TTC28: variants seen among roughly 807,000 people sequenced by gnomAD.
TTC28 encodes the protein tetratricopeptide repeat domain 28.
TTC28 carries 61 observed loss-of-function variants against 198.0 expected under a neutral mutation model. The observed-to-expected ratio is 0.31, with a 90% CI of 0.25 to 0.38. The LOEUF (loss-of-function observed/expected upper bound fraction) is 0.38. Ranked by LOEUF, TTC28 falls within the 10% of genes least tolerant of loss-of-function variation. The pLI is 1.00. For synonymous variants in TTC28, 1,171 were observed against 1,297.8 expected (o/e 0.90, Z 2.10); for missense variants, 2,678 against 3,164.0 (o/e 0.85, Z 3.69).
At chr22:28,525,689 G>C (rs2048992251) in intron 2 of TTC28, among the ~76,000 whole-genome samples, 1 of 152,162 alleles carries the variant, frequency 6.6e-6, no homozygotes, top group Non-Finnish European at 1.5e-5. Context: ...AATGGAGTCT[G>C]TGCAGGTGCC....
At chr22:28,197,789 A>T (rs1925526664) in intron 5 of TTC28, among the ~76,000 whole-genome samples, 1 of 152,036 alleles carries the variant, frequency 6.6e-6, no homozygotes, top group Non-Finnish European at 1.5e-5. Context: ...TTGAGGTAGG[A>T]GGATCTTTCG....
chr22:28,263,122 G>A (rs1021312876), intron 5 of TTC28, among the ~76,000 whole-genome samples: 1 of 152,192 alleles, frequency 6.6e-6, no homozygotes, highest in African/African-American at 2.4e-5. Flanking sequence ...TATGTGAGGT[G>A]TTGATTGAGA....
chr22:28,588,878 A>C lies in TTC28; in HGVS notation c.381+40674T>G, dbSNP rs146520220. On this transcript the variant is annotated intron_variant, in intron 2 of 22. Transcript: ENST00000397906. ...ACATTTCAATCTAAGCCTCAACAGG[A>C]AACACCCCTTCTGCTACATTATCTC... 6.2e-3 allele frequency among the ~76,000 whole-genome samples: 946 copies of C among 152,292 alleles called. 12 individuals carry two copies. The highest frequency in any genetic ancestry group is 0.029 in the Admixed American group (448 of 15,296).
intron 5 of TTC28, among the ~76,000 whole-genome samples, chr22:28,195,734 G>A (rs1925272568): frequency 8.3e-6 from 1 of 120,914 alleles, no homozygotes; most frequent in Admixed American, 8.9e-5. Flanking sequence ...TACAAGGGAT[G>A]TGAAGGACCT....
intron 2 of TTC28, among the ~76,000 whole-genome samples, chr22:28,603,441 G>A (rs1176084576): frequency 6.6e-6 from 1 of 151,794 alleles, no homozygotes; most frequent in Non-Finnish European, 1.5e-5. Flanking sequence ...AAGCCAGAGT[G>A]CAATGGCACA....
intron 1 of TTC28, among the ~76,000 whole-genome samples, chr22:28,663,338 G>T (rs1319130902): frequency 6.8e-6 from 1 of 147,692 alleles, no homozygotes; most frequent in Non-Finnish European, 1.5e-5. Context: ...AGCTCCCAGC[G>T]TGAGCGACAC....
At chr22:28,187,848 C>T (rs1220198857) in intron 5 of TTC28, among the ~76,000 whole-genome samples, 1 of 152,188 alleles carries the variant, frequency 6.6e-6, no homozygotes, top group Non-Finnish European at 1.5e-5. Flanking sequence ...TGCTAAGTAA[C>T]TGGCACATAC....
At chr22:28,186,566 T>C (rs1242482190) in intron 5 of TTC28, among the ~76,000 whole-genome samples, 1 of 152,132 alleles carries the variant, frequency 6.6e-6, no homozygotes, top group Non-Finnish European at 1.5e-5. Context: ...AATACATCTG[T>C]GATGGGAGCT....
At chr22:28,647,712 G>C (rs889332985) in intron 1 of TTC28, among the ~76,000 whole-genome samples, 1 of 151,408 alleles carries the variant, frequency 6.6e-6, no homozygotes, top group Non-Finnish European at 1.5e-5. Context: ...GGTGGCAGGC[G>C]CCTGTAGTCC....
rs932041378 is a variant in TTC28 at position 27,993,880 on chromosome 22, C to T, written c.5245-362G>A. Among the ~76,000 whole-genome samples, 3 of 152,352 alleles carry T rather than the reference C, an allele frequency of 2.0e-5. No individual in the cohort carries two copies. The East Asian group carries it at 5.8e-4, about 29-fold the overall frequency. ...TGGCTCCTGCCCACTAGGATAAACC[C>T]TCAGGCCCTTCAGGAACCCCCTCAC... On this transcript the variant is annotated intron_variant, in intron 17 of 22. Coordinates refer to ENST00000397906, the MANE Select transcript of TTC28 (RefSeq NM_001145418.2).
At chr22:28,498,540 C>T (rs2048489677) in intron 2 of TTC28, among the ~76,000 whole-genome samples, 1 of 152,132 alleles carries the variant, frequency 6.6e-6, no homozygotes, top group Non-Finnish European at 1.5e-5. Context: ...GAACCTAAAT[C>T]CAGGTTTCAC....
intron 12 of TTC28, among the ~76,000 whole-genome samples, chr22:28,045,449 T>C (rs1262990313): frequency 1.3e-5 from 2 of 152,176 alleles, no homozygotes; most frequent in African/African-American, 2.4e-5. Flanking sequence ...ACATCACCTA[T>C]GGCACTCAGG....
chr22:28,381,244 G>A (rs199733181), intron 2 of TTC28, among the ~76,000 whole-genome samples: 37 of 152,142 alleles, frequency 2.4e-4, no homozygotes, highest in East Asian at 2.3e-3. Flanking sequence ...TGGCAATTTG[G>A]CCTTAGGCAA....
chr22:28,139,484 T>A (rs1487029722), intron 6 of TTC28, among the ~76,000 whole-genome samples: 1 of 152,142 alleles, frequency 6.6e-6, no homozygotes, highest in Non-Finnish European at 1.5e-5. Context: ...TTAGGAACCA[T>A]GAGCACTAGG....
chr22:28,612,037 G>C (rs921712619), intron 2 of TTC28, among the ~76,000 whole-genome samples: 13 of 152,000 alleles, frequency 8.6e-5, no homozygotes, highest in African/African-American at 3.1e-4. Flanking sequence ...TTGACAAATG[G>C]GATAAAGAGT....
chr22:28,490,515 A>G (rs769476907), intron 2 of TTC28, among the ~76,000 whole-genome samples: 2 of 152,218 alleles, frequency 1.3e-5, no homozygotes, highest in Non-Finnish European at 2.9e-5. Context: ...AGAGAAGTAC[A>G]AGCCTACGAC....
At position 28,299,373 on chromosome 22, in the gene TTC28, G is replaced by A. The variant is rs182015090; in HGVS notation, c.530-1521C>T. 1.7e-4 allele frequency among the ~76,000 whole-genome samples: 26 copies of A among 152,274 alleles called. No individual in the cohort carries two copies. In the East Asian group the frequency reaches 4.6e-3, roughly 27 times the overall value. On this transcript the variant is annotated intron_variant, in intron 3 of 22. Coordinates refer to ENST00000397906, the MANE Select transcript of TTC28 (RefSeq NM_001145418.2). ...AGTCTCCACTAAAAAGCTCTTGTCT[G>A]AGTCAACAATGCCACAGAAATCTTG...
intron 2 of TTC28, among the ~76,000 whole-genome samples, chr22:28,602,832 T>C (rs923630782): frequency 6.6e-6 from 1 of 152,198 alleles, no homozygotes; most frequent in African/African-American, 2.4e-5. Flanking sequence ...ATAGAATACA[T>C]TGCAAAAATT....
At chr22:28,451,205 A>G (rs1254125196) in intron 2 of TTC28, among the ~76,000 whole-genome samples, 1 of 152,222 alleles carries the variant, frequency 6.6e-6, no homozygotes, top group Admixed American at 6.5e-5. Context: ...CAAGACTTCC[A>G]AGTGTCAACC....
Sources: gnomAD v4.1 joint callset for allele counts (sites outside exome capture counted in the v4.1 genomes callset) on GRCh38, gnomAD v4.1.1 for gene constraint, MANE v1.5 for transcripts, NCBI Gene and HGNC (gene_info 2026-07-23, HGNC 2026-07-21) for gene names.